Variants in EZH1 observed in about 807,000 individuals in gnomAD.
EZH1 encodes the protein histone-lysine N-methyltransferase EZH1.
In EZH1, 33 loss-of-function variants were observed where a neutral mutation model predicts 100.5. That is an observed-to-expected ratio of 0.33 (90% CI 0.25 to 0.44). The LOEUF is 0.44. Ranked by LOEUF, EZH1 falls within the 20% of genes least tolerant of loss-of-function variation. EZH1 has a pLI of 1.00. For synonymous variants in EZH1, 272 were observed against 313.8 expected (o/e 0.87, Z 1.41); for missense variants, 475 against 928.4 (o/e 0.51, Z 6.35).
intron 10 of EZH1, among the ~76,000 whole-genome samples, chr17:42,716,929 C>T (rs1178281685): frequency 6.6e-6 from 1 of 152,070 alleles, no homozygotes; most frequent in Admixed American, 6.6e-5. Flanking sequence ...AACTCCTGAC[C>T]TCAGGTGATC....
chr17:42,732,636 C>A (rs560280585), intron 1 of EZH1, among the ~76,000 whole-genome samples: 1 of 152,084 alleles, frequency 6.6e-6, no homozygotes, highest in Non-Finnish European at 1.5e-5. Context: ...GGCGAGGTGG[C>A]GGGCGCCTGT....
chr17:42,735,701 C>A (rs2054052082), intron 1 of EZH1, among the ~76,000 whole-genome samples: 1 of 151,898 alleles, frequency 6.6e-6, no homozygotes, highest in Non-Finnish European at 1.5e-5. Context: ...AAAAAGTGAG[C>A]AGAAGGCTGG....
At chr17:42,720,482 G>A (rs147131842) in intron 6 of EZH1, 33 bp from the exon 7 acceptor site, 2 of 1,584,028 alleles carry the variant, frequency 1.3e-6, no homozygotes, top group East Asian at 4.5e-5. Flanking sequence ...ATGAGCAGTG[G>A]TCACTTCACA....
At chr17:42,703,304 AG>A in intron 19 of EZH1, 1 of 320,322 alleles carries the variant, frequency 3.1e-6, no homozygotes. Flanking sequence ...CCACCTGAGT[AG>A]CTGGGACTAC....
chr17:42,708,112 C>T, intron 14 of EZH1, 29 bp from the exon 15 acceptor site: 1 of 1,572,516 alleles, frequency 6.4e-7, no homozygotes, highest in Non-Finnish European at 8.6e-7. Flanking sequence ...GAGGATGCTG[C>T]TGTGACCATA....
intron 10 of EZH1, 78 bp downstream of exon 10, chr17:42,717,898 C>G: frequency 7.8e-7 from 1 of 1,282,788 alleles, no homozygotes; most frequent in Admixed American, 1.8e-5. Flanking sequence ...ATATGACCCC[C>G]AGAGTGCTGT....
At position 42,705,153 on chromosome 17, in the gene EZH1, C is replaced by T. The variant is rs1287411309; in HGVS notation, c.1870G>A (p.Gly624Arg). Residue 624 changes from glycine to arginine, a missense_variant, in exon 17 of 21, where the codon GGA (glycine) becomes AGA (arginine). By Grantham distance (125) the Gly-to-Arg change is moderately radical (BLOSUM62 -2). Transcript: ENST00000428826. Reference protein sequence around the residue: ...HLLLAPSDVAGWGTFIKESVQ... With the variant: ...HLLLAPSDVARWGTFIKESVQ... The stretch of plus-strand genomic sequence containing the variant: ...GACTCCTTTATGAAGGTGCCCCATC[C>T]GGCCACATCAGAGGGGGCCAGCAGC... 1 of 1,613,080 alleles carries T rather than the reference C, an allele frequency of 6.2e-7. No individual in the cohort carries two copies. The highest frequency in any genetic ancestry group is 8.5e-7 in the Non-Finnish European group (1 of 1,179,546).
At chr17:42,716,100 T>C (rs2053600070) in intron 10 of EZH1, among the ~76,000 whole-genome samples, 1 of 148,966 alleles carries the variant, frequency 6.7e-6, no homozygotes, top group African/African-American at 2.5e-5. Flanking sequence ...GACTGGATGA[T>C]CCTGGTTTGG....
intron 1 of EZH1, among the ~76,000 whole-genome samples, chr17:42,744,297 A>G (rs545569981): frequency 3.3e-5 from 5 of 152,120 alleles, no homozygotes; most frequent in African/African-American, 1.2e-4. Flanking sequence ...CTGTGCTTCA[A>G]GGCACTTTTA....
At chr17:42,712,804 G>A (rs142584750) in intron 11 of EZH1, among the ~76,000 whole-genome samples, 57 of 152,222 alleles carry the variant, frequency 3.7e-4, no homozygotes, top group African/African-American at 1.2e-3. Flanking sequence ...TTAGGACGCC[G>A]AGGCAGGCGG....
Position 42,718,700 on chromosome 17 carries a change from A to C in EZH1, c.768-83T>G. The C allele has an allele frequency of 8.1e-6, 12 of 1,472,458 alleles. No homozygotes were observed. The highest frequency in any genetic ancestry group is 1.1e-5 in the Non-Finnish European group (12 of 1,071,096). 91.2% of individuals were successfully genotyped at this position (1,472,458 alleles called of 1,614,324 possible). A position where few individuals can be genotyped will look rare whatever the true frequency, so the allele number is the denominator to read the frequency against. On this transcript the variant is annotated intron_variant, in intron 8 of 20. Transcript: ENST00000428826. This position sits in a 1 kb window ranked among gnomAD's most constrained non-coding sequence, Gnocchi z 4.2. ...ACAGATTGGGTACTGACAGTAGCTC[A>C]CCTACGGTCTGCCAAGGGAGGATGG...
At position 42,709,921 on chromosome 17, in the gene EZH1, A is replaced by G; in HGVS notation, c.1418T>C (p.Val473Ala). The part of the protein sequence containing the change: ...KTCKQVFQFA[V>A]KESLILKLPT... ...CAGCTTCAGGATAAGTGATTCTTTG[A>G]CTGCAAACTGAAAGACCTGGAAGAG... The change falls in exon 13 of 21, where the codon GTC becomes GCC. Residue 473 changes from valine (V) to alanine (A), a missense_variant. This residue lies in a region of EZH1 where 83 missense variants were observed against 142.1 expected (regional missense o/e 0.58). Coordinates refer to ENST00000428826, the MANE Select transcript of EZH1 (RefSeq NM_001991.5). 1 of 1,614,082 alleles carries G rather than the reference A, an allele frequency of 6.2e-7. No homozygotes were observed. Among genetic ancestry groups the G allele is most frequent in the Non-Finnish European group, 8.5e-7 (1 of 1,179,986 alleles).
intron 16 of EZH1, 68 bp downstream of exon 16, chr17:42,705,939 A>C (rs1176103622): frequency 3.5e-6 from 5 of 1,421,518 alleles, no homozygotes; most frequent in Non-Finnish European, 4.7e-6. Flanking sequence ...TGGAAAGAGA[A>C]TGCTTGGGAC....
At chr17:42,702,810 A>T in intron 20 of EZH1, 67 bp downstream of exon 20, 2 of 1,553,920 alleles carry the variant, frequency 1.3e-6, no homozygotes, top group African/African-American at 1.4e-5. Context: ...GAGCCCCCAA[A>T]TCTATTCCAA....
intron 12 of EZH1, among the ~76,000 whole-genome samples, chr17:42,711,917 AGCAGCAGTG>A (rs1208837291): frequency 6.8e-6 from 1 of 146,156 alleles, no homozygotes; most frequent in Non-Finnish European, 1.5e-5. Context: ...CTGCAGCAGC[AGCAGCAGTG>A]TGCTCATTAA....
At chr17:42,720,204 T>C (rs1597842948) in intron 7 of EZH1, 69 bp downstream of exon 7, 3 of 1,515,480 alleles carry the variant, frequency 2.0e-6, no homozygotes, top group East Asian at 2.3e-5. Context: ...GCAACAAATC[T>C]TTCCAGTTCT....
chr17:42,744,996 T>A lies in EZH1; in HGVS notation c.-103+15A>T. 7.8e-7 allele frequency: 1 copy of A among 1,274,712 alleles called. No homozygotes were observed. Among genetic ancestry groups the A allele is most frequent in the Non-Finnish European group, 1.0e-6 (1 of 983,076 alleles). 79.0% of individuals were successfully genotyped at this position (1,274,712 alleles called of 1,614,324 possible). On this transcript the variant is annotated intron_variant, in intron 1 of 20. Transcript: ENST00000428826. ...CCGGCCCCACCGCCCGGCCCAGGCT[T>A]GTTTACTCACTCACCCTCCATCCCG...
At chr17:42,723,743 C>T (rs560168906) in intron 5 of EZH1, among the ~76,000 whole-genome samples, 3 of 152,240 alleles carry the variant, frequency 2.0e-5, no homozygotes, top group South Asian at 2.1e-4. Context: ...CTATAAACCT[C>T]GACCTCATTC....
In EZH1 at chr17:42,704,747, C is replaced by A. The variant is rs528283974; in HGVS notation, c.1936-64G>T. 4.9e-5 allele frequency: 67 copies of A among 1,360,428 alleles called. No individual in the cohort carries two copies. The African/African-American group carries it at 5.6e-4, about 11-fold the overall frequency. The allele number at this position is 1,360,428 out of a possible 1,614,324, so 84.3% of individuals were successfully genotyped here. A position where few individuals can be genotyped will look rare whatever the true frequency, so the allele number is the denominator to read the frequency against. ...TGCCTGCTCAGGGCATGGTACCCTG[C>A]CCCCAGAAAGGGCTGGGTGGTATCT... On this transcript the variant is annotated intron_variant, in intron 17 of 20. Coordinates refer to ENST00000428826, the MANE Select transcript of EZH1 (RefSeq NM_001991.5).
Sources: gnomAD v4.1 joint callset for allele counts (sites outside exome capture counted in the v4.1 genomes callset) on GRCh38, gnomAD v4.1.1 for gene constraint, gnomAD v4.1.1 regional missense constraint, Gnocchi (gnomAD v3.1) non-coding constraint, MANE v1.5 for transcripts, NCBI Gene and HGNC (gene_info 2026-07-23, HGNC 2026-07-21) for gene names.